The following MSR1 variants were observed in gnomAD, a reference collection of about 807,000 sequenced individuals.
MSR1 encodes the protein macrophage scavenger receptor 1, also known as macrophage scavenger receptor types I and II.
MSR1 carries 53 observed loss-of-function variants against 47.2 expected under a neutral mutation model. The ratio of observed to expected loss-of-function variants is 1.12; its 90% CI spans 0.90 to 1.41. MSR1 has a LOEUF of 1.41. Ranked by LOEUF, MSR1 falls within the 40% of genes most tolerant of loss-of-function variation. The pLI, the probability that MSR1 is intolerant of heterozygous loss-of-function variation, is 0.00. For missense variants in MSR1, 786 were observed against 546.9 expected (o/e 1.44, Z -4.36); for synonymous variants, 239 against 185.6 (o/e 1.29, Z -2.34).
chr8:16,143,453 G>T, intron 8 of MSR1, 105 bp downstream of exon 8: 2 of 921,154 alleles, frequency 2.2e-6, no homozygotes. Context: ...AGTCTGTATG[G>T]ATCTGTGCTG....
chr8:16,162,551 A>T (rs1344976379), intron 5 of MSR1, among the ~76,000 whole-genome samples: 1 of 152,052 alleles, frequency 6.6e-6, no homozygotes, highest in East Asian at 1.9e-4. Context: ...ATTTACCAAG[A>T]TGGTTGTAGA....
chr8:16,166,662 G>GT (rs1801320480), intron 4 of MSR1, among the ~76,000 whole-genome samples: 1 of 152,024 alleles, frequency 6.6e-6, no homozygotes, highest in African/African-American at 2.4e-5. Flanking sequence ...TAGTCGTACA[G>GT]TCCTTTTCAC....
chr8:16,166,363 A>G (rs1477241480), intron 4 of MSR1, among the ~76,000 whole-genome samples: 1 of 149,960 alleles, frequency 6.7e-6, no homozygotes, highest in Non-Finnish European at 1.5e-5. Context: ...GGGTTTCACT[A>G]TGTTGGCCAG....
chr8:16,140,889 T>C, intron 8 of MSR1: 1 of 1,607,456 alleles, frequency 6.2e-7, no homozygotes, highest in Non-Finnish European at 8.5e-7. Flanking sequence ...CCAAAGTCAT[T>C]TGGAGGAGTC....
intron 8 of MSR1, among the ~76,000 whole-genome samples, chr8:16,141,917 A>T (rs1800567122): frequency 6.6e-6 from 1 of 152,220 alleles, no homozygotes; most frequent in Admixed American, 6.5e-5. Flanking sequence ...AAAACAAAAG[A>T]TAAAATAAAG....
chr8:16,178,155 C>G (rs765761356), intron 1 of MSR1, among the ~76,000 whole-genome samples, 163 bp from the exon 2 acceptor site: 2 of 150,370 alleles, frequency 1.3e-5, no homozygotes, highest in Non-Finnish European at 2.9e-5. Context: ...GCACAACGTG[C>G]AGGTCTGTCA....
In MSR1 at chr8:16,149,056, G is replaced by A. The variant is rs140613827; in HGVS notation, c.979+1175C>T. On this transcript the variant is annotated intron_variant, in intron 7 of 9. Coordinates refer to ENST00000262101, the MANE Select transcript of MSR1 (RefSeq NM_138715.3). Reference sequence around the variant, plus strand: ...GGAGGAATAGAGTTGGTGGAGCACAGGGGACCTTTAGGGCAGTGAAACTAT... The same window carrying A: ...GGAGGAATAGAGTTGGTGGAGCACAAGGGACCTTTAGGGCAGTGAAACTAT... Among the ~76,000 whole-genome samples, 174 of 152,214 alleles carry A rather than the reference G, an allele frequency of 1.1e-3. 4 individuals are homozygous for A. Among genetic ancestry groups the A allele is most frequent in the African/African-American group, 3.7e-3 (152 of 41,558 alleles).
chr8:16,135,315 TG>T (rs1800363753), intron 8 of MSR1, among the ~76,000 whole-genome samples: 1 of 152,164 alleles, frequency 6.6e-6, no homozygotes, highest in African/African-American at 2.4e-5. Flanking sequence ...TTTGCTATTC[TG>T]AAAATTCTAG....
intron 7 of MSR1, 64 bp from the exon 8 acceptor site, chr8:16,143,675 G>C (rs1402489288): frequency 1.2e-5 from 14 of 1,191,146 alleles, no homozygotes; most frequent in Non-Finnish European, 1.6e-5. Flanking sequence ...GCTTTAACTG[G>C]AGACAGATCA....
intron 7 of MSR1, among the ~76,000 whole-genome samples, chr8:16,144,375 T>C (rs1294704777): frequency 2.6e-5 from 4 of 152,078 alleles, no homozygotes; most frequent in African/African-American, 4.8e-5. Context: ...AGCCATGAGA[T>C]ACAATCAGAT....
chr8:16,190,656 A>G (rs1026846265), intron 1 of MSR1, among the ~76,000 whole-genome samples: 6 of 151,834 alleles, frequency 4.0e-5, no homozygotes, highest in African/African-American at 1.5e-4. Context: ...TTCATACTTG[A>G]CATGCATTCG....
intron 7 of MSR1, among the ~76,000 whole-genome samples, chr8:16,145,422 G>A (rs1412053480): frequency 6.6e-6 from 1 of 152,042 alleles, no homozygotes; most frequent in Admixed American, 6.6e-5. Flanking sequence ...TCATAAAAGA[G>A]AACATAATAA....
intron 4 of MSR1, among the ~76,000 whole-genome samples, chr8:16,166,683 G>A (rs917107823): frequency 1.3e-5 from 2 of 152,052 alleles, no homozygotes; most frequent in Non-Finnish European, 2.9e-5. Context: ...CTCTATGGAT[G>A]ATGATAAATG....
chr8:16,152,824 G>T (rs573513776), intron 6 of MSR1, among the ~76,000 whole-genome samples: 1 of 152,064 alleles, frequency 6.6e-6, no homozygotes, highest in South Asian at 2.1e-4. Context: ...GAAGCGCTGT[G>T]AATTCAGAGA....
chr8:16,187,921 T>A (rs1197258257), intron 1 of MSR1, among the ~76,000 whole-genome samples: 1 of 152,180 alleles, frequency 6.6e-6, no homozygotes, highest in Admixed American at 6.5e-5. Context: ...TTATAATCAT[T>A]GTAATTTTTT....
chr8:16,138,499 A>G (rs1800446716), intron 8 of MSR1, among the ~76,000 whole-genome samples: 1 of 152,174 alleles, frequency 6.6e-6, no homozygotes, highest in Admixed American at 6.5e-5. Flanking sequence ...AAGAGAGAAG[A>G]CTTTCTTCCC....
intron 9 of MSR1, among the ~76,000 whole-genome samples, chr8:16,119,322 T>A (rs1435739720): frequency 1.3e-5 from 2 of 151,654 alleles, no homozygotes; most frequent in Non-Finnish European, 2.9e-5. Flanking sequence ...ACCTCCTGGG[T>A]CCAAGTAATT....
chr8:16,168,408 T>A (rs544253654), intron 4 of MSR1, 50 bp downstream of exon 4: 2 of 1,603,366 alleles, frequency 1.2e-6, no homozygotes, highest in South Asian at 2.2e-5. Flanking sequence ...GAGACGAGAC[T>A]TGGATGGATT....
At chr8:16,148,465 A>G (rs1404610733) in intron 7 of MSR1, among the ~76,000 whole-genome samples, 1 of 136,460 alleles carries the variant, frequency 7.3e-6, no homozygotes, top group African/African-American at 2.9e-5. Flanking sequence ...AATTTCTAAA[A>G]CTTTTTTTTT....
Sources: allele counts gnomAD v4.1 joint callset (sites outside exome capture counted in the v4.1 genomes callset), GRCh38; gene constraint gnomAD v4.1.1; transcripts MANE v1.5; gene names NCBI Gene and HGNC (gene_info 2026-07-23, HGNC 2026-07-21).